The following CACNA2D3 variants were observed in gnomAD, a reference collection of about 807,000 sequenced individuals.
The protein encoded by CACNA2D3 is calcium voltage-gated channel auxiliary subunit alpha2delta 3.
Under a neutral mutation model 160.6 loss-of-function variants are expected in CACNA2D3, and 60 were observed. The ratio of observed to expected loss-of-function variants is 0.37; its 90% CI spans 0.30 to 0.46. The LOEUF is 0.46. Among genes scored for constraint, CACNA2D3 ranks in the 20% least tolerant of loss-of-function variants. The probability of loss-of-function intolerance (pLI) is 1.00; values close to 1 mark genes in which losing one functional copy is unlikely to be tolerated. For missense variants in CACNA2D3, 1,205 were observed against 1,365.0 expected, an observed-to-expected ratio of 0.88 and a Z score of 1.85; for synonymous variants, 558 against 492.9, an observed-to-expected ratio of 1.13 and a Z score of -1.75.
chr3:55,026,629 C>A (rs2107170763), intron 35 of CACNA2D3, among the ~76,000 whole-genome samples: 1 of 152,226 alleles, frequency 6.6e-6, no homozygotes, highest in East Asian at 1.9e-4. Context: ...GAGAGAAGAG[C>A]ATTGTGGAGA....
chr3:54,825,247 A>G (rs186135501), intron 14 of CACNA2D3, among the ~76,000 whole-genome samples: 2 of 152,330 alleles, frequency 1.3e-5, no homozygotes, highest in African/African-American at 2.4e-5. Flanking sequence ...TCGAAGATAT[A>G]AAAACACCCT....
chr3:54,258,004 G>GCA (rs1702333004), intron 2 of CACNA2D3, among the ~76,000 whole-genome samples: 1 of 152,162 alleles, frequency 6.6e-6, no homozygotes, highest in African/African-American at 2.4e-5. Flanking sequence ...GAAGTGTTTT[G>GCA]AGGTATTTTT....
chr3:54,194,696 A>G (rs1701046670), intron 2 of CACNA2D3, among the ~76,000 whole-genome samples: 1 of 152,242 alleles, frequency 6.6e-6, no homozygotes, highest in Admixed American at 6.5e-5. Context: ...GTTTCACGTG[A>G]AGATGCGTTC....
At chr3:54,212,572 C>T (rs1293695504) in intron 2 of CACNA2D3, among the ~76,000 whole-genome samples, 2 of 152,142 alleles carry the variant, frequency 1.3e-5, no homozygotes, top group Non-Finnish European at 2.9e-5. Flanking sequence ...CTTAAAGTCT[C>T]TGTTGATGTT....
chr3:54,626,579 A>T (rs1409885771), intron 9 of CACNA2D3: 6 of 1,563,774 alleles, frequency 3.8e-6, no homozygotes, highest in East Asian at 4.5e-5. Flanking sequence ...TCCATCACCT[A>T]CAAGCCCATA....
chr3:54,407,581 G>A (rs890126785), intron 4 of CACNA2D3, among the ~76,000 whole-genome samples: 2 of 152,040 alleles, frequency 1.3e-5, no homozygotes, highest in Non-Finnish European at 2.9e-5. Context: ...CTACTTCTCA[G>A]TTGTTACACA....
intron 11 of CACNA2D3, among the ~76,000 whole-genome samples, chr3:54,699,281 G>A (rs986479938): frequency 6.6e-6 from 1 of 152,272 alleles, no homozygotes. Context: ...AGACTGCATG[G>A]GATGCTGGAG....
intron 11 of CACNA2D3, among the ~76,000 whole-genome samples, chr3:54,716,582 G>T (rs569220782): frequency 6.6e-6 from 1 of 152,198 alleles, no homozygotes; most frequent in Non-Finnish European, 1.5e-5. Flanking sequence ...ATCTCTGGGT[G>T]GGTGGGGGAG....
chr3:54,512,484 C>G (rs1350594982), intron 5 of CACNA2D3, among the ~76,000 whole-genome samples: 1 of 152,204 alleles, frequency 6.6e-6, no homozygotes, highest in Admixed American at 6.5e-5. Flanking sequence ...TGGCTTATGC[C>G]TGGGAATATC....
At chr3:54,297,867 C>T (rs1394622128) in intron 2 of CACNA2D3, among the ~76,000 whole-genome samples, 1 of 152,202 alleles carries the variant, frequency 6.6e-6, no homozygotes, top group African/African-American at 2.4e-5. Context: ...ATGAAACCCA[C>T]AATCTTTCCT....
intron 4 of CACNA2D3, among the ~76,000 whole-genome samples, chr3:54,457,833 G>A (rs550620901): frequency 6.6e-6 from 1 of 151,922 alleles, no homozygotes; most frequent in Non-Finnish European, 1.5e-5. Context: ...ATTACATAAT[G>A]ACTTTCTTTG....
chr3:54,637,182 G>C (rs781540833), intron 10 of CACNA2D3, among the ~76,000 whole-genome samples: 1 of 152,002 alleles, frequency 6.6e-6, no homozygotes. Context: ...TGCTGTAGCA[G>C]ACGAGTGATA....
chr3:54,752,389 C>A (rs1701874829), intron 11 of CACNA2D3, among the ~76,000 whole-genome samples: 1 of 152,168 alleles, frequency 6.6e-6, no homozygotes, highest in African/African-American at 2.4e-5. Context: ...AAAACAACCA[C>A]CACCAGTGCC....
chr3:54,358,148 G>A (rs2107538935), intron 3 of CACNA2D3, among the ~76,000 whole-genome samples: 1 of 152,208 alleles, frequency 6.6e-6, no homozygotes, highest in Middle Eastern at 3.4e-3. Context: ...AGGTGGAGGT[G>A]GATGAGACAA....
intron 5 of CACNA2D3, among the ~76,000 whole-genome samples, chr3:54,504,691 G>A (rs1260755883): frequency 6.6e-6 from 1 of 152,134 alleles, no homozygotes; most frequent in African/African-American, 2.4e-5. Flanking sequence ...GATATCAGGG[G>A]CCAGTTTCCA....
At chr3:54,328,229 T>C (rs577686963) in intron 3 of CACNA2D3, among the ~76,000 whole-genome samples, 4 of 152,204 alleles carry the variant, frequency 2.6e-5, no homozygotes, top group Non-Finnish European at 4.4e-5. Flanking sequence ...TTGACTATTA[T>C]TAGTCTTTTG....
intron 35 of CACNA2D3, among the ~76,000 whole-genome samples, chr3:55,058,768 A>G (rs1439414322): frequency 2.6e-5 from 4 of 152,204 alleles, no homozygotes; most frequent in African/African-American, 7.2e-5. Flanking sequence ...ATTACTCAGA[A>G]CTAAGAGGCA....
intron 35 of CACNA2D3, among the ~76,000 whole-genome samples, chr3:55,050,473 G>A (rs891915485): frequency 6.6e-6 from 1 of 151,202 alleles, no homozygotes; most frequent in African/African-American, 2.4e-5. Flanking sequence ...CGAGAGATCC[G>A]CTGTTAGTCT....
intron 4 of CACNA2D3, among the ~76,000 whole-genome samples, chr3:54,473,634 T>C (rs1284615156): frequency 6.6e-6 from 1 of 152,164 alleles, no homozygotes; most frequent in Non-Finnish European, 1.5e-5. Context: ...AATGTATCCA[T>C]CTGACAAAGG....
Sources: allele counts gnomAD v4.1 joint callset (sites outside exome capture counted in the v4.1 genomes callset), GRCh38; gene constraint gnomAD v4.1.1; transcripts MANE v1.5; gene names NCBI Gene and HGNC (gene_info 2026-07-23, HGNC 2026-07-21).